CHD6: variants seen among roughly 807,000 people sequenced by gnomAD.
CHD6 encodes the protein ATP-dependent chromatin remodeler CHD6.
In CHD6, 50 loss-of-function variants were observed where a neutral mutation model predicts 276.9. The observed-to-expected ratio is 0.18, with a 90% CI of 0.14 to 0.23. The LOEUF (loss-of-function observed/expected upper bound fraction) is 0.23, where lower values mean the gene tolerates loss of function less well. Ranked by LOEUF, CHD6 falls within the 10% of genes least tolerant of loss-of-function variation. CHD6 has a pLI of 1.00. For synonymous variants in CHD6, 1,173 were observed against 1,229.3 expected, an observed-to-expected ratio of 0.95 and a Z score of 0.96; for missense variants, 2,564 against 3,365.8, an observed-to-expected ratio of 0.76 and a Z score of 5.89.
At chr20:41,435,787 A>C (rs1264657808) in intron 27 of CHD6, among the ~76,000 whole-genome samples, 1 of 152,184 alleles carries the variant, frequency 6.6e-6, no homozygotes, top group African/African-American at 2.4e-5. Flanking sequence ...AGGCAAAGGA[A>C]CAAGAAAAGC....
chr20:41,484,655 C>T (rs373513942), intron 14 of CHD6, 48 bp from the exon 15 acceptor site: 113 of 1,598,934 alleles, frequency 7.1e-5, no homozygotes, highest in East Asian at 2.0e-4. Flanking sequence ...CCCAAGTTAA[C>T]GATTACTGGG....
At position 41,403,549 on chromosome 20, in the gene CHD6, A is replaced by G. The variant is rs957609903; in HGVS notation, c.*1044T>C. ...TGGAGAAGTAACTTTTCATAGCTGTATTATAAAGGGTGGCACACATTTGAC... is the reference window on the plus strand; with the variant it reads ...TGGAGAAGTAACTTTTCATAGCTGTGTTATAAAGGGTGGCACACATTTGAC... On this transcript the variant is annotated 3_prime_UTR_variant, in exon 37 of 37. Transcript: ENST00000373233. 9.4e-7 allele frequency: 1 copy of G among 1,063,290 alleles called. No individual in the cohort carries two copies. The highest frequency in any genetic ancestry group is 1.6e-5 in the African/African-American group (1 of 60,968). The allele number at this position is 1,063,290 out of a possible 1,614,324, so 65.9% of individuals were successfully genotyped here.
In CHD6 at chr20:41,485,139, C is replaced by A. The variant is rs1568632195; in HGVS notation, c.2002-532G>T. ...AAAGAACTAATGTTATAGGTGACAT[C>A]TACTCTATCATGGAATCTGTCACAT... On this transcript the variant is annotated intron_variant, in intron 14 of 36. Transcript: ENST00000373233. Among the ~76,000 whole-genome samples, 3 of 152,196 alleles carry A rather than the reference C, an allele frequency of 2.0e-5. No individual in the cohort carries two copies. In the East Asian group the frequency reaches 5.8e-4, roughly 29 times the overall value.
intron 10 of CHD6, 29 bp from the exon 11 acceptor site, chr20:41,491,848 A>G: frequency 6.2e-7 from 1 of 1,612,466 alleles, no homozygotes; most frequent in Non-Finnish European, 8.5e-7. Context: ...AGCATAATAG[A>G]TAGAGAATGA....
intron 23 of CHD6, among the ~76,000 whole-genome samples, chr20:41,449,678 T>C (rs1035432992): frequency 1.3e-5 from 2 of 152,238 alleles, no homozygotes; most frequent in African/African-American, 4.8e-5. Flanking sequence ...CGACATATCC[T>C]TTTTTCTTTT....
Position 41,548,925 on chromosome 20 carries a change from A to C in CHD6, c.33+2380T>G, listed in dbSNP as rs886841017. Among the ~76,000 whole-genome samples, 74 of 152,112 alleles carry C rather than the reference A, an allele frequency of 4.9e-4. 3 individuals carry two copies. Among genetic ancestry groups the C allele is most frequent in the Non-Finnish European group, 5.9e-5 (4 of 67,968 alleles). Reference sequence around the variant, plus strand: ...CATCACTGGCCATCAGAGAAATGCAAATCAAAACCACAATGAGATACCATC... The same window carrying C: ...CATCACTGGCCATCAGAGAAATGCACATCAAAACCACAATGAGATACCATC... On this transcript the variant is annotated intron_variant, in intron 2 of 36. Coordinates refer to ENST00000373233, the MANE Select transcript of CHD6 (RefSeq NM_032221.5).
In CHD6 at chr20:41,483,594, T is replaced by C. The variant is rs1257296617; in HGVS notation, c.2258-75A>G. 5.3e-6 allele frequency: 6 copies of C among 1,123,584 alleles called. No individual in the cohort carries two copies. In the East Asian group the frequency reaches 1.0e-4, roughly 19 times the overall value. The allele number at this position is 1,123,584 out of a possible 1,614,324, so 69.6% of individuals were successfully genotyped here. On this transcript the variant is annotated intron_variant, in intron 15 of 36. Transcript: ENST00000373233. ...AGGTTGTACTCTGCTTTACAGATCC[T>C]GGGAAAAATGAAGTGAATTCTTAGG...
intron 14 of CHD6, among the ~76,000 whole-genome samples, chr20:41,486,452 G>C (rs962821992): frequency 6.6e-6 from 1 of 152,152 alleles, no homozygotes; most frequent in Non-Finnish European, 1.5e-5. Flanking sequence ...AAAATCAATA[G>C]ATAGGGCAAA....
chr20:41,556,462 G>A (rs2045239183), intron 1 of CHD6, among the ~76,000 whole-genome samples: 1 of 151,610 alleles, frequency 6.6e-6, no homozygotes, highest in Non-Finnish European at 1.5e-5. Flanking sequence ...TCCACTTTAA[G>A]GAATATCTCC....
At chr20:41,579,437 C>CA (rs574347177) in intron 1 of CHD6, among the ~76,000 whole-genome samples, 1,595 of 69,872 alleles carry the variant, frequency 0.023, 28 homozygotes, top group South Asian at 0.049. Context: ...GACTCTGTCT[C>CA]AAAAAAAAAA....
intron 1 of CHD6, among the ~76,000 whole-genome samples, chr20:41,580,710 A>G (rs2045528618): frequency 6.6e-6 from 1 of 151,756 alleles, no homozygotes; most frequent in African/African-American, 2.4e-5. Context: ...TTGGCCAATA[A>G]TGGTAAAAAG....
At chr20:41,506,141 C>G (rs986217470) in intron 5 of CHD6, among the ~76,000 whole-genome samples, 1 of 152,082 alleles carries the variant, frequency 6.6e-6, no homozygotes, top group Non-Finnish European at 1.5e-5. Flanking sequence ...CATTTCTCAC[C>G]CAGATTATTC....
chr20:41,564,049 C>A (rs750470467), intron 1 of CHD6: 3 of 779,532 alleles, frequency 3.8e-6, no homozygotes, highest in Non-Finnish European at 7.2e-6. Context: ...GTTCTGAACA[C>A]AAGCGTTGTG....
intron 27 of CHD6, among the ~76,000 whole-genome samples, chr20:41,427,171 C>G (rs1001179383): frequency 5.3e-5 from 8 of 151,304 alleles, no homozygotes; most frequent in Non-Finnish European, 1.0e-4. Context: ...TGGTCCTTTA[C>G]TTGCTACTTC....
At chr20:41,492,578 T>C (rs1043841317) in intron 10 of CHD6, among the ~76,000 whole-genome samples, 2 of 152,238 alleles carry the variant, frequency 1.3e-5, no homozygotes, top group African/African-American at 4.8e-5. Context: ...TTCCAGCCTA[T>C]AGCCATATTC....
chr20:41,427,279 C>G (rs1351626754), intron 27 of CHD6, among the ~76,000 whole-genome samples: 1 of 151,472 alleles, frequency 6.6e-6, no homozygotes, highest in Non-Finnish European at 1.5e-5. Context: ...CTTTTGGGCC[C>G]CTGATACGAC....
At chr20:41,537,691 T>C (rs1183149609) in intron 2 of CHD6, among the ~76,000 whole-genome samples, 2 of 152,214 alleles carry the variant, frequency 1.3e-5, no homozygotes, top group African/African-American at 2.4e-5. Flanking sequence ...TACTATTTTA[T>C]ACCCACCTAA....
Position 41,426,165 on chromosome 20 carries a change from T to C in CHD6, c.4069-12A>G, listed in dbSNP as rs755403673. The C allele has an allele frequency of 7.5e-6, 12 of 1,606,474 alleles. No individual in the cohort carries two copies. Among genetic ancestry groups the C allele is most frequent in the Non-Finnish European group, 1.0e-5 (12 of 1,173,126 alleles). ...TCACTGGAACTCTCCTAGGGATAAATAAAGCCATCCCATCAGCAAAACTGC... is the reference window on the plus strand; with the variant it reads ...TCACTGGAACTCTCCTAGGGATAAACAAAGCCATCCCATCAGCAAAACTGC... On this transcript the variant is annotated splice_polypyrimidine_tract_variant and intron_variant, in intron 27 of 36. Transcript: ENST00000373233.
At chr20:41,477,427 T>A (rs2043191855) in intron 16 of CHD6, among the ~76,000 whole-genome samples, 1 of 151,962 alleles carries the variant, frequency 6.6e-6, no homozygotes, top group South Asian at 2.1e-4. Flanking sequence ...AACAGAAAAT[T>A]AGAAAATTCA....
Sources: allele counts gnomAD v4.1 joint callset (sites outside exome capture counted in the v4.1 genomes callset), GRCh38; gene constraint gnomAD v4.1.1; transcripts MANE v1.5; gene names NCBI Gene and HGNC (gene_info 2026-07-23, HGNC 2026-07-21).